BICRAL: variants seen among roughly 807,000 people sequenced by gnomAD.
BICRAL encodes BRD4-interacting chromatin-remodeling complex-associated protein-like.
BICRAL carries 8 observed loss-of-function variants against 91.8 expected under a neutral mutation model. That is an observed-to-expected ratio of 0.09 (90% CI 0.05 to 0.16). The LOEUF is 0.16. BICRAL is among the 10% of genes least tolerant of loss of function. The pLI, the probability that BICRAL is intolerant of heterozygous loss-of-function variation, is 1.00. For missense variants in BICRAL, 1,038 were observed against 1,310.9 expected (o/e 0.79, Z 3.21); for synonymous variants, 445 against 491.1 (o/e 0.91, Z 1.24).
chr6:42,788,774 C>G (rs1428419683), intron 1 of BICRAL, among the ~76,000 whole-genome samples: 1 of 152,154 alleles, frequency 6.6e-6, no homozygotes, highest in Non-Finnish European at 1.5e-5. Flanking sequence ...AGCAACAGGA[C>G]AAGGAACTGA....
In BICRAL at chr6:42,865,013, G is replaced by A. The variant is rs769380369; in HGVS notation, c.2807G>A (p.Gly936Asp). 6.1e-5 allele frequency: 98 copies of A among 1,613,922 alleles called. No homozygotes were observed. The highest frequency in any genetic ancestry group is 8.0e-5 in the Non-Finnish European group (94 of 1,180,054). ...EPLKASQCSP[G>D]PEGHRKTSSR... ...CTGAAGGCCAGTCAGTGCTCTCCCG[G>A]CCCTGAGGGGCACCGGAAAACCTCA... is the stretch of plus-strand genomic sequence containing the variant. Residue 936 changes from glycine (G) to aspartate (D), a missense_variant, in exon 13 of 13, where the codon GGC becomes GAC. Around this residue, in one of 5 missense-constraint regions of BICRAL, gnomAD observed 294 missense variants for 292.6 expected, o/e 1.00. Coordinates refer to ENST00000314073, the MANE Select transcript of BICRAL (RefSeq NM_001393499.1).
chr6:42,862,384 G>A (rs1765578745), intron 11 of BICRAL, 126 bp from the exon 12 acceptor site: 1 of 689,212 alleles, frequency 1.5e-6, no homozygotes, highest in Admixed American at 2.1e-5. Flanking sequence ...GGCAAAGAAA[G>A]GAGGCTCACT....
At chr6:42,822,368 G>T (rs1764161936) in intron 3 of BICRAL, among the ~76,000 whole-genome samples, 1 of 149,950 alleles carries the variant, frequency 6.7e-6, no homozygotes, top group African/African-American at 2.5e-5. Flanking sequence ...AGCCTCCCAA[G>T]TAGCGGGGAC....
chr6:42,835,781 A>G (rs956984154), intron 6 of BICRAL, among the ~76,000 whole-genome samples: 1 of 152,088 alleles, frequency 6.6e-6, no homozygotes, highest in African/African-American at 2.4e-5. Flanking sequence ...AAAAAATACA[A>G]AAATTAGGTG....
At chr6:42,826,064 A>T (rs1764292586) in intron 5 of BICRAL, among the ~76,000 whole-genome samples, 1 of 145,094 alleles carries the variant, frequency 6.9e-6, no homozygotes, top group Non-Finnish European at 1.6e-5. Context: ...AGCATGGGTG[A>T]CACAGTGAGA....
At chr6:42,787,800 G>A (rs1198043669) in intron 1 of BICRAL, among the ~76,000 whole-genome samples, 2 of 152,066 alleles carry the variant, frequency 1.3e-5, no homozygotes, top group South Asian at 2.1e-4. Flanking sequence ...GGTGAATATC[G>A]ACAGCTCGTT....
intron 6 of BICRAL, among the ~76,000 whole-genome samples, chr6:42,831,652 C>A (rs1191524156): frequency 6.6e-6 from 1 of 152,178 alleles, no homozygotes; most frequent in Admixed American, 6.5e-5. Flanking sequence ...CTACTTTCGA[C>A]CCCTCAGTCC....
intron 8 of BICRAL, among the ~76,000 whole-genome samples, chr6:42,855,095 T>C (rs1198455844): frequency 6.6e-6 from 1 of 152,182 alleles, no homozygotes; most frequent in Non-Finnish European, 1.5e-5. Flanking sequence ...ATAAGGCCTA[T>C]TTGTTTCCTT....
rs45592934 is a variant in BICRAL, at chr6:42,867,285, A to G, written c.*1839A>G. On this transcript the variant is annotated 3_prime_UTR_variant, in exon 13 of 13. Coordinates refer to ENST00000314073, the MANE Select transcript of BICRAL (RefSeq NM_001393499.1). ...TGAGATGGCCAGTCTTCATAATAGC[A>G]ACGTACCTTCACCCCAGCCACATGC... 194 of 155,556 alleles carry G rather than the reference A, an allele frequency of 1.2e-3. No individual in the cohort carries two copies. Among genetic ancestry groups the G allele is most frequent in the Non-Finnish European group, 2.2e-3 (155 of 69,688 alleles). The allele number at this position is 155,556 out of a possible 1,614,324, so 9.6% of individuals were successfully genotyped here. A position where few individuals can be genotyped will look rare whatever the true frequency, so the allele number is the denominator to read the frequency against.
chr6:42,804,894 G>A (rs559659410), intron 1 of BICRAL, among the ~76,000 whole-genome samples: 1 of 152,208 alleles, frequency 6.6e-6, no homozygotes, highest in East Asian at 1.9e-4. Context: ...AAAAAATTGG[G>A]CCTCGCTATG....
intron 8 of BICRAL, among the ~76,000 whole-genome samples, chr6:42,854,348 G>GT (rs1002499427): frequency 1.3e-5 from 2 of 151,758 alleles, no homozygotes; most frequent in African/African-American, 4.8e-5. Flanking sequence ...ATGCCCAGCT[G>GT]TTTTTTTGTA....
In BICRAL at chr6:42,865,891, C is replaced by T. The variant is rs542651297; in HGVS notation, c.*445C>T. On this transcript the variant is annotated 3_prime_UTR_variant, in exon 13 of 13. Transcript: ENST00000314073. ...CTACTTTTTAAAGAATATCCCACTG[C>T]ATCTGCAAATTTAGTTTTGGGTTTT... 6.5e-6 allele frequency: 1 copy of T among 153,730 alleles called. No individual in the cohort carries two copies. The highest frequency in any genetic ancestry group is 1.9e-4 in the East Asian group (1 of 5,198). The allele number at this position is 153,730 out of a possible 1,614,324, so 9.5% of individuals were successfully genotyped here. A position where few individuals can be genotyped will look rare whatever the true frequency, so the allele number is the denominator to read the frequency against.
intron 1 of BICRAL, among the ~76,000 whole-genome samples, chr6:42,760,725 G>T (rs1008257614): frequency 1.3e-5 from 2 of 152,008 alleles, no homozygotes; most frequent in South Asian, 4.1e-4. Context: ...TTACTTTCTT[G>T]TCAAAAGGTA....
At chr6:42,858,723 A>G (rs1049510043) in intron 10 of BICRAL, among the ~76,000 whole-genome samples, 1 of 152,058 alleles carries the variant, frequency 6.6e-6, no homozygotes, top group African/African-American at 2.4e-5. Flanking sequence ...AGGCTGAGGC[A>G]GGAGAATCAC....
At chr6:42,757,531 C>T (rs1562448311) in intron 1 of BICRAL, among the ~76,000 whole-genome samples, 1 of 152,304 alleles carries the variant, frequency 6.6e-6, no homozygotes, top group African/African-American at 2.4e-5. Context: ...GGATTACAGG[C>T]TCTGGCCACC....
chr6:42,782,353 T>TGG (rs1562457968), intron 1 of BICRAL, among the ~76,000 whole-genome samples: 1 of 33,546 alleles, frequency 3.0e-5, no homozygotes, highest in Non-Finnish European at 5.1e-5. Context: ...TGGGGGGGGG[T>TGG]GGGTTTGTGG....
At chr6:42,791,686 A>AG (rs374173012) in intron 1 of BICRAL, among the ~76,000 whole-genome samples, 1 of 151,744 alleles carries the variant, frequency 6.6e-6, no homozygotes, top group African/African-American at 2.4e-5. Flanking sequence ...CGTGTCTCAA[A>AG]CTCCTGGGCT....
chr6:42,784,176 C>T (rs1298119230), intron 1 of BICRAL, among the ~76,000 whole-genome samples: 3 of 152,188 alleles, frequency 2.0e-5, no homozygotes, highest in African/African-American at 7.2e-5. Context: ...TGAATTAAAA[C>T]AGTTTCTTAG....
At chr6:42,779,226 ACACAC>A (rs1562456217), upstream of BICRAL, among the ~76,000 whole-genome samples, 7 of 7,896 alleles carry the variant, frequency 8.9e-4, no homozygotes, top group East Asian at 0.01. Context: ...CAAGAAAAAC[ACACAC>A]ACACACACAC....
Sources: gnomAD v4.1 joint callset for allele counts (sites outside exome capture counted in the v4.1 genomes callset) on GRCh38, gnomAD v4.1.1 for gene constraint, gnomAD v4.1.1 regional missense constraint, MANE v1.5 for transcripts, NCBI Gene and HGNC (gene_info 2026-07-23, HGNC 2026-07-21) for gene names.